CDH18: variants seen among roughly 807,000 people sequenced by gnomAD.
CDH18 encodes the protein cadherin 18.
CDH18 carries 31 observed loss-of-function variants against 67.9 expected under a neutral mutation model. That is an observed-to-expected ratio of 0.46 (90% CI 0.34 to 0.62). CDH18 has a LOEUF of 0.62. CDH18 is among the 20% of genes least tolerant of loss of function. CDH18 has a pLI of 0.01. For missense variants in CDH18, 890 were observed against 975.5 expected, an observed-to-expected ratio of 0.91 and a Z score of 1.17; for synonymous variants, 362 against 347.2, an observed-to-expected ratio of 1.04 and a Z score of -0.48.
intron 1 of CDH18, among the ~76,000 whole-genome samples, chr5:20,452,637 A>G (rs1448262836): frequency 6.6e-6 from 1 of 152,112 alleles, no homozygotes; most frequent in Non-Finnish European, 1.5e-5. Context: ...GGAGAAAATC[A>G]GAAAAAAATA....
rs987091638 is a variant in CDH18, at chr5:20,409,142, A to G, written c.-579-153637T>C. ...ACTACAATACCACACTTAAGGAAAC[A>G]TGATGTAAGCAACACTATAGAGCGA... On this transcript the variant is annotated intron_variant, in intron 1 of 14. Transcript: ENST00000507958. Among the ~76,000 whole-genome samples the G allele has an allele frequency of 5.9e-5, 9 of 151,344 alleles. No individual in the cohort carries two copies. In the East Asian group the frequency reaches 1.7e-3, roughly 29 times the overall value.
chr5:20,264,510 T>C (rs1744888532), intron 1 of CDH18, among the ~76,000 whole-genome samples: 2 of 152,016 alleles, frequency 1.3e-5, no homozygotes, highest in Non-Finnish European at 2.9e-5. Flanking sequence ...TTCACCATCC[T>C]GTATCATACT....
intron 2 of CDH18, among the ~76,000 whole-genome samples, chr5:20,144,216 G>A (rs1483559323): frequency 6.6e-6 from 1 of 151,870 alleles, no homozygotes; most frequent in South Asian, 2.1e-4. Context: ...TGGGAAACTG[G>A]GCTACCTCTC....
intron 2 of CDH18, among the ~76,000 whole-genome samples, chr5:20,128,856 C>T (rs1749038005): frequency 6.6e-6 from 1 of 151,984 alleles, no homozygotes; most frequent in African/African-American, 2.4e-5. Flanking sequence ...CCCCTAGACT[C>T]TCAGTGCAAT....
At chr5:19,722,921 C>T (rs2387973) in intron 4 of CDH18, among the ~76,000 whole-genome samples, 146,920 of 152,222 alleles carry the variant, frequency 0.97, 71,103 homozygotes, top group Middle Eastern at 1. Flanking sequence ...ACCTAATGTC[C>T]GTTCAACTAG....
intron 1 of CDH18, among the ~76,000 whole-genome samples, chr5:20,513,339 A>G (rs933438730): frequency 6.6e-6 from 1 of 152,162 alleles, no homozygotes; most frequent in African/African-American, 2.4e-5. Flanking sequence ...CTTCAGAGAG[A>G]CAATCTCTTA....
At chr5:19,663,702 C>A (rs948357910) in intron 5 of CDH18, among the ~76,000 whole-genome samples, 1 of 151,912 alleles carries the variant, frequency 6.6e-6, no homozygotes, top group Non-Finnish European at 1.5e-5. Context: ...ATCCTGCACA[C>A]ACTACTTAAC....
At chr5:20,164,317 G>A (rs1736122131) in intron 2 of CDH18, among the ~76,000 whole-genome samples, 1 of 151,952 alleles carries the variant, frequency 6.6e-6, no homozygotes, top group African/African-American at 2.4e-5. Context: ...ATGGAGTTTA[G>A]CTCTTGTTGC....
At chr5:19,759,707 C>T (rs538300145) in intron 3 of CDH18, among the ~76,000 whole-genome samples, 1 of 152,286 alleles carries the variant, frequency 6.6e-6, no homozygotes, top group South Asian at 2.1e-4. Flanking sequence ...ATTTTCCTTT[C>T]CCCAATGCAT....
intron 2 of CDH18, among the ~76,000 whole-genome samples, chr5:20,003,931 A>G (rs1736666900): frequency 6.6e-6 from 1 of 152,206 alleles, no homozygotes; most frequent in African/African-American, 2.4e-5. Context: ...CAAACAAACA[A>G]AAAACAAAAG....
chr5:20,490,751 G>A (rs1324216528), intron 1 of CDH18, among the ~76,000 whole-genome samples: 1 of 152,062 alleles, frequency 6.6e-6, no homozygotes, highest in South Asian at 2.1e-4. Context: ...TATTCTTTAT[G>A]ATGCAATTTT....
chr5:20,338,722 T>G (rs1445745329), intron 1 of CDH18, among the ~76,000 whole-genome samples: 1 of 152,158 alleles, frequency 6.6e-6, no homozygotes, highest in African/African-American at 2.4e-5. Flanking sequence ...ATGTCTTGAT[T>G]TTACCCAATC....
At chr5:19,577,787 G>A (rs559463131) in intron 7 of CDH18, among the ~76,000 whole-genome samples, 127 of 152,274 alleles carry the variant, frequency 8.3e-4, no homozygotes, top group Non-Finnish European at 1.6e-3. Context: ...GAGGCCTGAC[G>A]GCAACCCTGC....
intron 1 of CDH18, among the ~76,000 whole-genome samples, chr5:20,506,731 A>G (rs1172826173): frequency 6.6e-6 from 1 of 152,252 alleles, no homozygotes; most frequent in African/African-American, 2.4e-5. Context: ...TAATATTGTT[A>G]CACAGCAATG....
intron 2 of CDH18, among the ~76,000 whole-genome samples, chr5:19,899,468 A>G (rs1789699821): frequency 6.6e-6 from 1 of 152,166 alleles, no homozygotes; most frequent in Admixed American, 6.5e-5. Context: ...GTGTTGGCAA[A>G]TATGTCAATA....
At chr5:20,274,348 T>C (rs1177444168) in intron 1 of CDH18, among the ~76,000 whole-genome samples, 1 of 152,084 alleles carries the variant, frequency 6.6e-6, no homozygotes, top group Non-Finnish European at 1.5e-5. Context: ...AAAATAATTA[T>C]ACTGAGTGAA....
chr5:20,163,656 T>C (rs1179572176), intron 2 of CDH18, among the ~76,000 whole-genome samples: 1 of 152,220 alleles, frequency 6.6e-6, no homozygotes, highest in Non-Finnish European at 1.5e-5. Context: ...AGGTAGAAAC[T>C]GATCAGCTAT....
chr5:20,387,644 C>T (rs1744424544), intron 1 of CDH18, among the ~76,000 whole-genome samples: 1 of 151,990 alleles, frequency 6.6e-6, no homozygotes, highest in African/African-American at 2.4e-5. Context: ...CTGTCTTGTG[C>T]CAGTTTTCAA....
intron 2 of CDH18, among the ~76,000 whole-genome samples, chr5:20,029,909 G>A (rs1420440091): frequency 3.3e-5 from 5 of 152,100 alleles, no homozygotes; most frequent in African/African-American, 1.2e-4. Flanking sequence ...TTCTCACCTC[G>A]ATATTCTGGA....
Sources: gnomAD v4.1 joint callset for allele counts (sites outside exome capture counted in the v4.1 genomes callset) on GRCh38, gnomAD v4.1.1 for gene constraint, MANE v1.5 for transcripts, NCBI Gene and HGNC (gene_info 2026-07-23, HGNC 2026-07-21) for gene names.